Variants in ELOVL6 observed in about 807,000 individuals in gnomAD.
ELOVL6 encodes very long chain fatty acid elongase 6.
In ELOVL6, 8 loss-of-function variants were observed where a neutral mutation model predicts 31.7. That is an observed-to-expected ratio of 0.25 (90% CI 0.15 to 0.45). The LOEUF (loss-of-function observed/expected upper bound fraction) is 0.45, where lower values mean the gene tolerates loss of function less well. Among genes scored for constraint, ELOVL6 ranks in the 20% least tolerant of loss-of-function variants. The pLI is 1.00. For missense variants in ELOVL6, 126 were observed against 326.4 expected, an observed-to-expected ratio of 0.39 and a Z score of 4.73; for synonymous variants, 101 against 117.7, an observed-to-expected ratio of 0.86 and a Z score of 0.92.
At chr4:110,191,321 G>C (rs1035651845) in intron 1 of ELOVL6, among the ~76,000 whole-genome samples, 1 of 152,122 alleles carries the variant, frequency 6.6e-6, no homozygotes, top group African/African-American at 2.4e-5. Context: ...ATATAGCCAA[G>C]TCATAGTTTC....
intron 1 of ELOVL6, among the ~76,000 whole-genome samples, chr4:110,124,638 G>A (rs1757445673): frequency 6.6e-6 from 1 of 151,792 alleles, no homozygotes; most frequent in Non-Finnish European, 1.5e-5. Flanking sequence ...GTTGAAAGGT[G>A]CAGCAAACCA....
intron 1 of ELOVL6, among the ~76,000 whole-genome samples, chr4:110,158,585 G>GTATATATATACATCTATATATATATA (rs1758525743): frequency 7.9e-6 from 1 of 126,132 alleles, no homozygotes; most frequent in South Asian, 2.5e-4. Flanking sequence ...ATATATATAT[G>GTATATATATACATCTATATATATATA]TATATATATA....
At chr4:110,158,480 C>G (rs924197982) in intron 1 of ELOVL6, among the ~76,000 whole-genome samples, 2 of 143,424 alleles carry the variant, frequency 1.4e-5, no homozygotes, top group African/African-American at 4.9e-5. Flanking sequence ...TTTTCTGTAT[C>G]CCGAGGGCAC....
At chr4:110,094,417 ATATATATATATATATATATATATAT>A (rs1756508434) in intron 2 of ELOVL6, among the ~76,000 whole-genome samples, 3 of 51,940 alleles carry the variant, frequency 5.8e-5, no homozygotes, top group South Asian at 8.8e-4. Flanking sequence ...ATATATATAT[ATATATATATATATATATATATATAT>A]AATATATATA....
intron 2 of ELOVL6, among the ~76,000 whole-genome samples, chr4:110,066,637 CAAAAAA>C (rs1209180349): frequency 1.8e-5 from 1 of 56,556 alleles, no homozygotes; most frequent in Non-Finnish European, 4.0e-5. Context: ...TCTGTCTCAA[CAAAAAA>C]AAAAAAAAAA....
At position 110,059,664 on chromosome 4, in the gene ELOVL6, G is replaced by A. The variant is rs1487988983; in HGVS notation, c.312C>T (p.Tyr104=). 6.2e-7 allele frequency: 1 copy of A among 1,614,072 alleles called. No individual in the cohort carries two copies. The highest frequency in any genetic ancestry group is 8.5e-7 in the Non-Finnish European group (1 of 1,180,002). The change falls in exon 3 of 4, where the codon TAC becomes TAT. Residue 104 remains tyrosine (Y), a synonymous_variant. Coordinates refer to ENST00000302274, the MANE Select transcript of ELOVL6 (RefSeq NM_024090.3). ...LKQSVCDQGF[Y]NGPVSKFWAY... is the part of the protein sequence containing the mutation. ...CCCAGAATTTGCTGACAGGTCCATT[G>A]TAAAAACCCTGGTCACAAACTGACT...
rs964658550 is a variant in ELOVL6, at chr4:110,166,854, T to C, written c.89+31393A>G. On this transcript the variant is annotated intron_variant, in intron 1 of 3. Coordinates refer to ENST00000302274, the MANE Select transcript of ELOVL6 (RefSeq NM_024090.3). Reference sequence around the variant, plus strand: ...TTTCTTAGCACATAGTGATTTTCTATACTATAGTTACTATAATACTATATT... The same window carrying C: ...TTTCTTAGCACATAGTGATTTTCTACACTATAGTTACTATAATACTATATT... Among the ~76,000 whole-genome samples, 9 of 152,238 alleles carry C rather than the reference T, an allele frequency of 5.9e-5. No homozygotes were observed. The East Asian group carries it at 1.7e-3, about 29-fold the overall frequency.
intron 2 of ELOVL6, among the ~76,000 whole-genome samples, chr4:110,084,115 TATA>T (rs1560814065): frequency 6.1e-5 from 6 of 98,168 alleles, no homozygotes; most frequent in East Asian, 7.4e-4. Context: ...ATATATGATA[TATA>T]TAACATATAT....
intron 2 of ELOVL6, among the ~76,000 whole-genome samples, chr4:110,076,716 T>C (rs1192416023): frequency 1.3e-5 from 2 of 152,104 alleles, no homozygotes; most frequent in Non-Finnish European, 2.9e-5. Flanking sequence ...TTCATCTCAC[T>C]GGGGAGTGTT....
At chr4:110,159,692 C>T (rs918987010) in intron 1 of ELOVL6, among the ~76,000 whole-genome samples, 7 of 152,194 alleles carry the variant, frequency 4.6e-5, no homozygotes, top group African/African-American at 1.7e-4. Flanking sequence ...ACACATGAGA[C>T]GTTGGTGTTT....
At chr4:110,140,868 G>A (rs764522119) in intron 1 of ELOVL6, among the ~76,000 whole-genome samples, 2 of 151,734 alleles carry the variant, frequency 1.3e-5, no homozygotes, top group African/African-American at 2.4e-5. Context: ...GTATTAGTCC[G>A]TTTTCATGTT....
At chr4:110,128,686 T>C (rs189639201) in intron 1 of ELOVL6, among the ~76,000 whole-genome samples, 5 of 152,350 alleles carry the variant, frequency 3.3e-5, no homozygotes, top group Admixed American at 3.3e-4. Context: ...CTCAGACACT[T>C]ATCTGTGAGC....
At chr4:110,076,577 T>C (rs561299114) in intron 2 of ELOVL6, among the ~76,000 whole-genome samples, 1 of 152,156 alleles carries the variant, frequency 6.6e-6, no homozygotes, top group Non-Finnish European at 1.5e-5. Context: ...TTTGTGGAAG[T>C]ACACAAGGAT....
intron 1 of ELOVL6, among the ~76,000 whole-genome samples, chr4:110,151,806 T>C (rs1758286996): frequency 6.6e-6 from 1 of 152,218 alleles, no homozygotes; most frequent in Non-Finnish European, 1.5e-5. Context: ...AATTACTTAA[T>C]CTCTTGGTTT....
At chr4:110,090,600 CTTT>C (rs544234717) in intron 2 of ELOVL6, among the ~76,000 whole-genome samples, 8 of 103,716 alleles carry the variant, frequency 7.7e-5, no homozygotes, top group East Asian at 3.1e-4. Flanking sequence ...GTTTGACTTT[CTTT>C]TTTTTTTTTT....
At chr4:110,163,195 T>C (rs1261820438) in intron 1 of ELOVL6, among the ~76,000 whole-genome samples, 1 of 152,190 alleles carries the variant, frequency 6.6e-6, no homozygotes, top group African/African-American at 2.4e-5. Context: ...TTTGTATTTG[T>C]TGTGTCCTAT....
At chr4:110,179,247 G>A (rs1483999356) in intron 1 of ELOVL6, among the ~76,000 whole-genome samples, 1 of 152,210 alleles carries the variant, frequency 6.6e-6, no homozygotes, top group Non-Finnish European at 1.5e-5. Flanking sequence ...GCTCATGCCT[G>A]TAATCCCAGC....
At chr4:110,077,115 C>A (rs866195804) in intron 2 of ELOVL6, among the ~76,000 whole-genome samples, 17 of 152,222 alleles carry the variant, frequency 1.1e-4, no homozygotes, top group African/African-American at 3.6e-4. Context: ...GTGGAGCCAA[C>A]CGCAGCTCAA....
intron 1 of ELOVL6, among the ~76,000 whole-genome samples, chr4:110,118,530 C>G (rs1757253124): frequency 6.6e-6 from 1 of 151,998 alleles, no homozygotes; most frequent in African/African-American, 2.4e-5. Context: ...CTTTTTATGC[C>G]TGGCTTAGGA....
Sources: gnomAD v4.1 joint callset for allele counts (sites outside exome capture counted in the v4.1 genomes callset) on GRCh38, gnomAD v4.1.1 for gene constraint, MANE v1.5 for transcripts, NCBI Gene and HGNC (gene_info 2026-07-23, HGNC 2026-07-21) for gene names.